The following ADD1 variants were observed in gnomAD, a reference collection of about 807,000 sequenced individuals.
The protein encoded by ADD1 is alpha-adducin.
ADD1 carries 24 observed loss-of-function variants against 80.5 expected under a neutral mutation model. The ratio of observed to expected loss-of-function variants is 0.30; its 90% confidence interval spans 0.22 to 0.42. ADD1 has a LOEUF of 0.42. Among genes scored for constraint, ADD1 ranks in the 10% least tolerant of loss-of-function variants. The pLI, the probability that ADD1 is intolerant of heterozygous loss-of-function variation, is 1.00. For missense variants in ADD1, 948 were observed against 1,019.0 expected (o/e 0.93, Z 0.95); for synonymous variants, 373 against 393.8 (o/e 0.95, Z 0.63).
At chr4:2,878,801 G>C (rs1731765946) in intron 2 of ADD1, among the ~76,000 whole-genome samples, 1 of 152,080 alleles carries the variant, frequency 6.6e-6, no homozygotes, top group South Asian at 2.1e-4. Context: ...TGGTAGAGTT[G>C]GAGATGTTAG....
intron 1 of ADD1, among the ~76,000 whole-genome samples, chr4:2,848,212 C>CAA (rs1318761193): frequency 0.015 from 1,497 of 97,748 alleles, 19 homozygotes; most frequent in African/African-American, 0.046. Context: ...GACTCCGTCT[C>CAA]AAAAAAAAAA....
At chr4:2,846,280 G>C (rs952134266) in intron 1 of ADD1, among the ~76,000 whole-genome samples, 1 of 152,158 alleles carries the variant, frequency 6.6e-6, no homozygotes, top group African/African-American at 2.4e-5. Context: ...CTGGTAGTTT[G>C]TCATGTGGAG....
intron 14 of ADD1, among the ~76,000 whole-genome samples, chr4:2,916,754 C>G (rs549719809): frequency 6.6e-6 from 1 of 152,158 alleles, no homozygotes; most frequent in African/African-American, 2.4e-5. Context: ...TCTAATTGTT[C>G]AATCCCCACT....
intron 13 of ADD1, among the ~76,000 whole-genome samples, chr4:2,913,700 C>T (rs1738467026): frequency 6.6e-6 from 1 of 151,880 alleles, no homozygotes; most frequent in African/African-American, 2.4e-5. Flanking sequence ...GCTTGAGGAG[C>T]GGTCGGCCTG....
At chr4:2,920,923 C>T (rs549350987) in intron 14 of ADD1, among the ~76,000 whole-genome samples, 31 of 152,246 alleles carry the variant, frequency 2.0e-4, no homozygotes, top group Non-Finnish European at 4.0e-4. Context: ...GCAGTTTCTT[C>T]ATAGTGTCGA....
At chr4:2,869,626 C>T (rs1730109013) in intron 1 of ADD1, among the ~76,000 whole-genome samples, 1 of 152,226 alleles carries the variant, frequency 6.6e-6, no homozygotes, top group Non-Finnish European at 1.5e-5. Flanking sequence ...CTCATGGACA[C>T]TTTCCCCCTG....
intron 1 of ADD1, chr4:2,853,154 G>A (rs1271622156): frequency 6.6e-6 from 1 of 150,472 alleles, no homozygotes; most frequent in Non-Finnish European, 1.5e-5. Flanking sequence ...TGTTGCCCAG[G>A]CTGGAGTGCA....
chr4:2,849,646 C>T (rs772893052), intron 1 of ADD1, among the ~76,000 whole-genome samples: 70 of 152,338 alleles, frequency 4.6e-4, no homozygotes, highest in Middle Eastern at 3.4e-3. Context: ...TTCTCTTACT[C>T]TGAAGGGCTT....
At chr4:2,851,332 CTG>C (rs1727045416) in intron 1 of ADD1, among the ~76,000 whole-genome samples, 1 of 152,206 alleles carries the variant, frequency 6.6e-6, no homozygotes, top group African/African-American at 2.4e-5. Flanking sequence ...TCATATCTAA[CTG>C]GAGGTGTGAG....
chr4:2,925,877 G>A, intron 14 of ADD1, 137 bp from the exon 15 acceptor site: 1 of 651,250 alleles, frequency 1.5e-6, no homozygotes, highest in South Asian at 1.9e-5. Context: ...CTCTTGGAGA[G>A]GATCAGGGAA....
chr4:2,874,556 G>C (rs1262669940), intron 1 of ADD1, among the ~76,000 whole-genome samples: 1 of 149,884 alleles, frequency 6.7e-6, no homozygotes, highest in Non-Finnish European at 1.5e-5. Context: ...TCAGTGAGCC[G>C]AGATCATGCC....
chr4:2,846,471 C>T (rs1421926815), intron 1 of ADD1, among the ~76,000 whole-genome samples: 1 of 152,154 alleles, frequency 6.6e-6, no homozygotes, highest in Non-Finnish European at 1.5e-5. Context: ...TGCCTACAGT[C>T]ATTTCAGCAA....
chr4:2,894,156 T>G, intron 5 of ADD1, 63 bp downstream of exon 5: 1 of 1,298,134 alleles, frequency 7.7e-7, no homozygotes, highest in Non-Finnish European at 1.1e-6. Flanking sequence ...TTCAACATCT[T>G]CAGATCAGCT....
At chr4:2,890,747 A>G (rs1443744970) in intron 4 of ADD1, among the ~76,000 whole-genome samples, 1 of 152,126 alleles carries the variant, frequency 6.6e-6, no homozygotes, top group Non-Finnish European at 1.5e-5. Flanking sequence ...TGATAGATAC[A>G]TGGATGTTTG....
At chr4:2,925,691 C>T (rs1328999981) in intron 14 of ADD1, among the ~76,000 whole-genome samples, 1 of 152,218 alleles carries the variant, frequency 6.6e-6, no homozygotes, top group Admixed American at 6.5e-5. Flanking sequence ...GGAGGGGTCC[C>T]TACTCGCACA....
At chr4:2,877,156 C>A (rs1005513021) in intron 2 of ADD1, among the ~76,000 whole-genome samples, 7 of 152,100 alleles carry the variant, frequency 4.6e-5, no homozygotes, top group Admixed American at 4.6e-4. Flanking sequence ...TTAATCAGGT[C>A]GTTGTATCTG....
In ADD1 at chr4:2,899,338, C is replaced by T; in HGVS notation, c.1064C>T (p.Ser355Phe). ...GAGAAGTACAAAGCCAAGTCCCGTT[C>T]CCCAGGGTCTCCGGTAGGGGAAGGC... ...NPEKYKAKSR[S>F]PGSPVGEGTG... Residue 355 changes from serine to phenylalanine, a missense_variant, in exon 9 of 16, where the codon TCC becomes TTC. By Grantham distance (155) the Ser-to-Phe change is radical (BLOSUM62 -2). Coordinates refer to ENST00000683351, the MANE Select transcript of ADD1 (RefSeq NM_001354761.2). The T allele has an allele frequency of 6.2e-7, 1 of 1,614,232 alleles. No homozygotes were observed. Among genetic ancestry groups the T allele is most frequent in the Non-Finnish European group, 8.5e-7 (1 of 1,180,044 alleles).
intron 1 of ADD1, among the ~76,000 whole-genome samples, chr4:2,862,491 C>T (rs1728953607): frequency 6.6e-6 from 1 of 152,252 alleles, no homozygotes; most frequent in South Asian, 2.1e-4. Flanking sequence ...TTATTCCCCT[C>T]TCCCATTCCC....
chr4:2,849,109 A>G (rs1295992058), intron 1 of ADD1, among the ~76,000 whole-genome samples: 1 of 152,198 alleles, frequency 6.6e-6, no homozygotes, highest in Non-Finnish European at 1.5e-5. Flanking sequence ...TACTCCTACC[A>G]ACTGTGTATT....
Sources: allele counts gnomAD v4.1 joint callset (sites outside exome capture counted in the v4.1 genomes callset), GRCh38; gene constraint gnomAD v4.1.1; transcripts MANE v1.5; gene names NCBI Gene and HGNC (gene_info 2026-07-23, HGNC 2026-07-21).